The following NALCN variants were observed in gnomAD, a reference collection of about 807,000 sequenced individuals.
NALCN encodes sodium leak channel, non-selective.
Under a neutral mutation model 225.3 loss-of-function variants are expected in NALCN, and 111 were observed. The observed-to-expected ratio is 0.49, with a 90% confidence interval of 0.42 to 0.58. The LOEUF is 0.58. Ranked by LOEUF, NALCN falls within the 20% of genes least tolerant of loss-of-function variation. The pLI, the probability that NALCN is intolerant of heterozygous loss-of-function variation, is 0.00. For synonymous variants in NALCN, 764 were observed against 769.0 expected (o/e 0.99, Z 0.11); for missense variants, 1,378 against 2,202.4 (o/e 0.63, Z 7.49).
intron 15 of NALCN, among the ~76,000 whole-genome samples, chr13:101,153,564 A>C (rs149746399): frequency 0.011 from 1,726 of 152,314 alleles, 18 homozygotes; most frequent in South Asian, 0.054. Flanking sequence ...TGCTTCTTCA[A>C]AGAGATGCTT....
At chr13:101,364,267 A>G (rs2046324537) in intron 6 of NALCN, among the ~76,000 whole-genome samples, 1 of 152,142 alleles carries the variant, frequency 6.6e-6, no homozygotes, top group African/African-American at 2.4e-5. Flanking sequence ...AGATAGCAGC[A>G]CTCACATGTT....
At position 101,310,335 on chromosome 13, in the gene NALCN, T is replaced by A. The variant is rs550640565; in HGVS notation, c.800-17969A>T. On this transcript the variant is annotated intron_variant, in intron 7 of 43. Transcript: ENST00000251127. ...CTTTCCAATCGTATTCCCTTTCTCT[T>A]TCTCCATAGCTTCATTCAAGACCTG... is the stretch of plus-strand genomic sequence containing the variant. Among the ~76,000 whole-genome samples the A allele has an allele frequency of 3.3e-5, 5 of 152,254 alleles. No individual in the cohort carries two copies. In the South Asian group the frequency reaches 8.3e-4, roughly 25 times the overall value.
chr13:101,147,343 C>CCT (rs1157389056), intron 15 of NALCN, among the ~76,000 whole-genome samples: 11 of 147,694 alleles, frequency 7.4e-5, no homozygotes, highest in Admixed American at 1.4e-4. Context: ...CCTTTTTCTT[C>CCT]CTCTCTCTCT....
In NALCN at chr13:101,399,019, T is replaced by C. The variant is rs747543062; in HGVS notation, c.108A>G (p.Pro36=). The C allele has an allele frequency of 5.2e-6, 8 of 1,546,658 alleles. No individual in the cohort carries two copies. The highest frequency in any genetic ancestry group is 1.7e-5 in the Admixed American group (1 of 59,824). The stretch of plus-strand genomic sequence containing the variant: ...CTCCATACTCAAAGAAGAAACTTAC[T>C]GGTTTGTTAATCCAGAGGATGTCAG... ...DNADILWINK[P]WVHSLLRICA... Residue 36 remains proline (P), a splice_region_variant and synonymous_variant, in exon 2 of 44, where the codon CCA becomes CCG. Transcript: ENST00000251127.
At chr13:101,057,615 C>CAAGG (rs1233686730) in intron 43 of NALCN, 30 of 321,210 alleles carry the variant, frequency 9.3e-5, no homozygotes, top group Middle Eastern at 1.0e-3. Context: ...ATACTTTTGC[C>CAAGG]CATGTTTGAG....
chr13:101,313,745 T>C lies in NALCN; in HGVS notation c.800-21379A>G, dbSNP rs543555787. 1.2e-4 allele frequency among the ~76,000 whole-genome samples: 19 copies of C among 152,260 alleles called. No individual in the cohort carries two copies. The South Asian group carries it at 3.7e-3, about 30-fold the overall frequency. On this transcript the variant is annotated intron_variant, in intron 7 of 43. Transcript: ENST00000251127. ...AAACTAGTTCAACCCTTGTGGAAGT[T>C]GGTGTGGCGATTCCTCAGGGATCTA...
At chr13:101,416,146 G>A (rs983327988) in intron 1 of NALCN, among the ~76,000 whole-genome samples, 167 bp downstream of exon 1, 5 of 151,598 alleles carry the variant, frequency 3.3e-5, no homozygotes, top group African/African-American at 7.3e-5. Flanking sequence ...CCCGCGCGGG[G>A]CCCCCGCCCG....
intron 10 of NALCN, among the ~76,000 whole-genome samples, chr13:101,267,839 C>A (rs1308868077): frequency 6.6e-6 from 1 of 152,152 alleles, no homozygotes; most frequent in African/African-American, 2.4e-5. Flanking sequence ...AGTGTCTGTC[C>A]AGGCCATTAA....
intron 43 of NALCN, among the ~76,000 whole-genome samples, chr13:101,056,198 G>A (rs1033253455): frequency 4.1e-5 from 6 of 146,388 alleles, no homozygotes; most frequent in Admixed American, 1.4e-4. Context: ...TCTATTTCAC[G>A]ATCACCGTTT....
At chr13:101,361,013 G>A (rs1415872) in intron 6 of NALCN, among the ~76,000 whole-genome samples, 16,021 of 152,102 alleles carry the variant, frequency 0.11, 1,271 homozygotes, top group East Asian at 0.35. Context: ...AATTTTAAAC[G>A]ATTGATTTCT....
intron 13 of NALCN, among the ~76,000 whole-genome samples, chr13:101,227,102 G>A (rs545837899): frequency 8.5e-5 from 13 of 152,244 alleles, no homozygotes; most frequent in South Asian, 2.1e-4. Context: ...TTGCAGTGAG[G>A]GAACAAAGTC....
At chr13:101,252,528 G>A (rs1301089356) in intron 11 of NALCN, among the ~76,000 whole-genome samples, 1 of 152,192 alleles carries the variant, frequency 6.6e-6, no homozygotes, top group Non-Finnish European at 1.5e-5. Context: ...AGCAGGGGAA[G>A]AGCCTGCCTG....
At chr13:101,088,001 T>C (rs2034017337) in intron 30 of NALCN, among the ~76,000 whole-genome samples, 1 of 152,072 alleles carries the variant, frequency 6.6e-6, no homozygotes, top group South Asian at 2.1e-4. Flanking sequence ...CAAAGGCATC[T>C]AAAAAGATCC....
intron 11 of NALCN, among the ~76,000 whole-genome samples, chr13:101,257,653 G>T (rs1235190537): frequency 6.6e-6 from 1 of 151,894 alleles, no homozygotes; most frequent in African/African-American, 2.4e-5. Context: ...TTGTACAACT[G>T]TGTATGTATA....
At chr13:101,320,998 A>C (rs1012336502) in intron 7 of NALCN, among the ~76,000 whole-genome samples, 1 of 152,170 alleles carries the variant, frequency 6.6e-6, no homozygotes, top group Non-Finnish European at 1.5e-5. Flanking sequence ...TATAGGTGAC[A>C]ATACCATTCA....
At chr13:101,074,482 A>T in intron 36 of NALCN, 32 bp downstream of exon 36, 1 of 1,503,522 alleles carries the variant, frequency 6.7e-7, no homozygotes, top group Non-Finnish European at 8.8e-7. Flanking sequence ...GGTTTGCTTG[A>T]TAAATGAATA....
At chr13:101,328,353 C>T (rs1164953983) in intron 7 of NALCN, among the ~76,000 whole-genome samples, 1 of 152,022 alleles carries the variant, frequency 6.6e-6, no homozygotes, top group African/African-American at 2.4e-5. Context: ...GTTCTACAGC[C>T]CAGGCTAGAG....
intron 43 of NALCN, 57 bp from the exon 44 acceptor site, chr13:101,055,545 A>G: frequency 1.4e-6 from 2 of 1,450,412 alleles, no homozygotes; most frequent in Non-Finnish European, 1.9e-6. Context: ...TATTGTAATC[A>G]CTCCTAAAAA....
intron 7 of NALCN, among the ~76,000 whole-genome samples, chr13:101,332,552 AT>A (rs1261679969): frequency 6.6e-6 from 1 of 152,238 alleles, no homozygotes; most frequent in African/African-American, 2.4e-5. Flanking sequence ...GAAGCTAATT[AT>A]CAAAAATAAG....
Sources: allele counts gnomAD v4.1 joint callset (sites outside exome capture counted in the v4.1 genomes callset), GRCh38; gene constraint gnomAD v4.1.1; transcripts MANE v1.5; gene names NCBI Gene and HGNC (gene_info 2026-07-23, HGNC 2026-07-21).